The following EXOSC10 variants were observed in gnomAD, a reference collection of about 807,000 sequenced individuals.
EXOSC10 encodes the protein exosome complex component 10.
A neutral mutation model predicts 126.6 loss-of-function variants in EXOSC10; 94 were observed. The observed-to-expected ratio is 0.74, with a 90% CI of 0.63 to 0.88. The LOEUF (loss-of-function observed/expected upper bound fraction) is 0.88, where lower values mean the gene tolerates loss of function less well. Ranked by LOEUF, EXOSC10 falls within the 40% of genes least tolerant of loss-of-function variation. The pLI is 0.00. For missense variants in EXOSC10, 1,041 were observed against 1,100.5 expected (o/e 0.95, Z 0.77); for synonymous variants, 395 against 400.8 (o/e 0.99, Z 0.17).
At chr1:11,073,747 A>G (rs1639648473) in intron 19 of EXOSC10, among the ~76,000 whole-genome samples, 187 bp downstream of exon 19, 1 of 151,688 alleles carries the variant, frequency 6.6e-6, no homozygotes, top group Non-Finnish European at 1.5e-5. Flanking sequence ...CGGGCATGAC[A>G]GCAGGTGCCT....
chr1:11,076,588 AC>A (rs1639830280), intron 17 of EXOSC10, among the ~76,000 whole-genome samples: 1 of 152,180 alleles, frequency 6.6e-6, no homozygotes, highest in African/African-American at 2.4e-5. Context: ...CAACAACAGG[AC>A]GTCAGCCTTT....
rs1639669021 is a variant in EXOSC10, at chr1:11,073,970, C to T, written c.2121G>A (p.Gln707=). The change falls in exon 19 of 25, where the codon CAG becomes CAA. Residue 707 remains glutamine (Q), a synonymous_variant. Transcript: ENST00000376936. ...PSLGHRAPVS[Q]AAKFDPSTKI... ...TGGTTGATGGATCGAACTTCGCTGC[C>T]TGAGAGACGGGAGCACGGTGTCCCA... is the stretch of plus-strand genomic sequence containing the variant. 6.2e-7 allele frequency: 1 copy of T among 1,613,682 alleles called. No homozygotes were observed. The highest frequency in any genetic ancestry group is 1.3e-5 in the African/African-American group (1 of 74,942).
intron 17 of EXOSC10, 136 bp downstream of exon 17, chr1:11,076,706 C>T (rs560785624): frequency 5.7e-6 from 4 of 698,572 alleles, no homozygotes; most frequent in African/African-American, 5.3e-5. Flanking sequence ...CTCTATGCCT[C>T]TCCCAGCACT....
In EXOSC10 at chr1:11,074,262, A is replaced by G. The variant is rs1237961239; in HGVS notation, c.2051T>C (p.Ile684Thr). 6.2e-7 allele frequency: 1 copy of G among 1,613,902 alleles called. No individual in the cohort carries two copies. The highest frequency in any genetic ancestry group is 2.2e-5 in the East Asian group (1 of 44,884). The change falls in exon 18 of 25, where the codon ATC (isoleucine) becomes ACC (threonine). Residue 684 changes from isoleucine (I) to threonine (T), a missense_variant. Physicochemically the swap from Ile to Thr is moderately conservative, Grantham distance 89. Coordinates refer to ENST00000376936, the MANE Select transcript of EXOSC10 (RefSeq NM_001001998.3). ...AAATGGATTTTCAAAGGACTCCATG[A>G]TGTTCTGGGCTTTTTTCTGTGCAAC... is the stretch of plus-strand genomic sequence containing the variant. ...LTVAQKKAQN[I>T]MESFENPFRM... is the part of the protein sequence containing the mutation.
chr1:11,077,486 A>G, intron 15 of EXOSC10, 43 bp from the exon 16 acceptor site: 2 of 1,603,348 alleles, frequency 1.2e-6, no homozygotes, highest in Non-Finnish European at 1.7e-6. Flanking sequence ...AAAACGTGCA[A>G]GCCGGCAGTA....
intron 23 of EXOSC10, 55 bp from the exon 24 acceptor site, chr1:11,068,139 C>T (rs1377739204): frequency 7.1e-7 from 1 of 1,413,800 alleles, no homozygotes. Context: ...ACAAGATACA[C>T]AGAAAAACAC....
At chr1:11,069,462 G>A in intron 22 of EXOSC10, 97 bp downstream of exon 22, 9 of 1,342,186 alleles carry the variant, frequency 6.7e-6, no homozygotes, top group Non-Finnish European at 9.2e-6. Context: ...CATGCCTTGT[G>A]CAGGACTCAC....
At chr1:11,069,752 G>T (rs747851985) in intron 21 of EXOSC10, 22 bp from the exon 22 acceptor site, 48 of 1,611,324 alleles carry the variant, frequency 3.0e-5, no homozygotes, top group Non-Finnish European at 3.5e-5. Context: ...GAACAGATGT[G>T]GGGGAGGAAC....
intron 10 of EXOSC10, 27 bp downstream of exon 10, chr1:11,082,661 A>G: frequency 3.7e-6 from 6 of 1,612,258 alleles, no homozygotes; most frequent in Non-Finnish European, 4.2e-6. Context: ...TCTGCCACCC[A>G]CATTTCCTCA....
intron 6 of EXOSC10, 147 bp downstream of exon 6, chr1:11,090,407 C>A: frequency 1.4e-6 from 1 of 709,244 alleles, no homozygotes. Context: ...ACACAAACAG[C>A]AGGTTTTATT....
intron 19 of EXOSC10, 136 bp downstream of exon 19, chr1:11,073,797 GA>G: frequency 1.5e-6 from 1 of 651,554 alleles, no homozygotes; most frequent in Non-Finnish European, 2.6e-6. Context: ...AGAACTGCTT[GA>G]ACCTGGGAGG....
At chr1:11,085,489 G>A (rs893233058) in intron 9 of EXOSC10, among the ~76,000 whole-genome samples, 1 of 152,188 alleles carries the variant, frequency 6.6e-6, no homozygotes, top group African/African-American at 2.4e-5. Context: ...AGACTTTGCT[G>A]AAGTTGCTTA....
chr1:11,093,400 G>C (rs941637589), intron 3 of EXOSC10, among the ~76,000 whole-genome samples: 20 of 152,282 alleles, frequency 1.3e-4, no homozygotes, highest in Admixed American at 1.3e-4. Flanking sequence ...TACTAACAGA[G>C]GCACAACCAG....
chr1:11,099,622 G>C (rs1235001493), intron 1 of EXOSC10, 99 bp downstream of exon 1: 2 of 1,330,430 alleles, frequency 1.5e-6, no homozygotes, highest in Admixed American at 5.9e-5. Context: ...CCTCGCTCGG[G>C]CTCCACTACG....
At chr1:11,070,181 G>A (rs571035482) in intron 21 of EXOSC10, among the ~76,000 whole-genome samples, 225 of 149,386 alleles carry the variant, frequency 1.5e-3, no homozygotes, top group Non-Finnish European at 2.6e-3. Context: ...AGGCTGCAAT[G>A]AGCTATAATT....
chr1:11,070,672 C>A, intron 21 of EXOSC10: 1 of 522,650 alleles, frequency 1.9e-6, no homozygotes, highest in Non-Finnish European at 3.4e-6. Flanking sequence ...AGTGGTCTGG[C>A]ATATTTACCA....
intron 18 of EXOSC10, 40 bp from the exon 19 acceptor site, chr1:11,074,048 C>G: frequency 6.3e-7 from 1 of 1,594,932 alleles, no homozygotes; most frequent in Non-Finnish European, 8.6e-7. Flanking sequence ...CTGCCGGGAA[C>G]GGAATCTAGA....
At chr1:11,095,278 T>C (rs1319636050) in intron 3 of EXOSC10, 3 of 152,060 alleles carry the variant, frequency 2.0e-5, no homozygotes, top group Non-Finnish European at 4.4e-5. Flanking sequence ...TAATTATTTT[T>C]TAGAAAAAAT....
At position 11,088,948 on chromosome 1, in the gene EXOSC10, C is replaced by T. The variant is rs115171769; in HGVS notation, c.759-750G>A. Among the ~76,000 whole-genome samples the T allele has an allele frequency of 4.2e-3, 633 of 152,256 alleles. 10 individuals are homozygous for T. The highest frequency in any genetic ancestry group is 0.014 in the African/African-American group (594 of 41,546). On this transcript the variant is annotated intron_variant, in intron 6 of 24. Coordinates refer to ENST00000376936, the MANE Select transcript of EXOSC10 (RefSeq NM_001001998.3). The stretch of plus-strand genomic sequence containing the variant: ...TCATAAATGAGCCTTGGGCTGAGCA[C>T]GGTGGCACATGCTTGTAATCCCAGA...
Sources: gnomAD v4.1 joint callset for allele counts (sites outside exome capture counted in the v4.1 genomes callset) on GRCh38, gnomAD v4.1.1 for gene constraint, MANE v1.5 for transcripts, NCBI Gene and HGNC (gene_info 2026-07-23, HGNC 2026-07-21) for gene names.